The following C8B variants were observed in gnomAD, a reference collection of about 807,000 sequenced individuals.
C8B encodes complement C8 beta chain, also known as complement component C8 beta chain.
Under a neutral mutation model 64.6 loss-of-function variants are expected in C8B, and 67 were observed. The observed-to-expected ratio is 1.04, with a 90% CI of 0.85 to 1.27. C8B has a LOEUF of 1.27. C8B is among the 50% of genes most tolerant of loss of function. The pLI is 0.00. For missense variants in C8B, 790 were observed against 725.2 expected (o/e 1.09, Z -1.03); for synonymous variants, 284 against 257.7 (o/e 1.10, Z -0.98).
At chr1:56,929,778 C>G (rs1447326502) in intron 11 of C8B, among the ~76,000 whole-genome samples, 1 of 152,184 alleles carries the variant, frequency 6.6e-6, no homozygotes, top group Non-Finnish European at 1.5e-5. Context: ...CCCTCCTCTA[C>G]TCACCTGGTC....
intron 3 of C8B, among the ~76,000 whole-genome samples, chr1:56,956,007 C>A (rs567501888): frequency 6.6e-6 from 1 of 152,280 alleles, no homozygotes; most frequent in East Asian, 1.9e-4. Context: ...TTTCTTCCTA[C>A]CTTCCTTCCT....
intron 9 of C8B, among the ~76,000 whole-genome samples, chr1:56,936,437 A>T (rs1213925459): frequency 6.6e-6 from 1 of 151,732 alleles, no homozygotes. Context: ...ACCAACTGAG[A>T]AGTGTTCATC....
chr1:56,931,309 T>C (rs1429855930), intron 11 of C8B, among the ~76,000 whole-genome samples: 1 of 152,188 alleles, frequency 6.6e-6, no homozygotes, highest in Non-Finnish European at 1.5e-5. Context: ...CAGAGGTAAA[T>C]GGGACATGGT....
Position 56,943,717 on chromosome 1 carries a change from C to G in C8B, c.1213G>C (p.Gly405Arg). The G allele has an allele frequency of 1.2e-6, 2 of 1,614,066 alleles. No homozygotes were observed. The highest frequency in any genetic ancestry group is 1.7e-6 in the Non-Finnish European group (2 of 1,179,968). Residue 405 changes from glycine (G) to arginine (R), a missense_variant, in exon 8 of 12, where the codon GGT becomes CGT. Gly to Arg is a moderately radical substitution (Grantham distance 125). Coordinates refer to ENST00000371237, the MANE Select transcript of C8B (RefSeq NM_000066.4). ...TCACCTTTTATTTCATTCAGAATAC[C>G]TCTGCATTTGCCTACAGACACACCC... ...SLGVSVGKCR[G>R]ILNEIKDRNK...
At chr1:56,965,398 A>AGTGTGT (rs56761445) in intron 1 of C8B, among the ~76,000 whole-genome samples, 1,779 of 142,610 alleles carry the variant, frequency 0.012, 12 homozygotes, top group Non-Finnish European at 0.013. Flanking sequence ...AGAGAGAGAG[A>AGTGTGT]GTGTGTGTGT....
At chr1:56,932,018 C>T in intron 10 of C8B, 140 bp from the exon 11 acceptor site, 1 of 678,794 alleles carries the variant, frequency 1.5e-6, no homozygotes, top group Non-Finnish European at 2.7e-6. Flanking sequence ...TAGGCAGGTT[C>T]AGGGCCAGGA....
intron 2 of C8B, among the ~76,000 whole-genome samples, chr1:56,958,959 C>T (rs955608745): frequency 9.2e-5 from 14 of 152,272 alleles, no homozygotes; most frequent in Middle Eastern, 3.4e-3. Context: ...ATCTATTGTT[C>T]TCAGAAGTAG....
Position 56,960,058 on chromosome 1 carries a change from A to T in C8B, c.211T>A (p.Ser71Thr). The change falls in exon 2 of 12, where the codon TCC (serine) becomes ACC (threonine). Residue 71 changes from serine to threonine, a missense_variant. Physicochemically the swap from Ser to Thr is moderately conservative, Grantham distance 58. Transcript: ENST00000371237. ...MPIDCELSSW[S>T]SWTTCDPCQK... is the part of the protein sequence containing the mutation. ...CAGGGGTCACATGTGGTCCAAGAGG[A>T]CCAACTAGACAGCTCACAATCAATG... is the stretch of plus-strand genomic sequence containing the variant. 6.2e-7 allele frequency: 1 copy of T among 1,614,106 alleles called. No individual in the cohort carries two copies. Among genetic ancestry groups the T allele is most frequent in the Non-Finnish European group, 8.5e-7 (1 of 1,180,002 alleles).
At chr1:56,955,556 A>G (rs1645090603) in intron 3 of C8B, among the ~76,000 whole-genome samples, 1 of 152,166 alleles carries the variant, frequency 6.6e-6, no homozygotes, top group Non-Finnish European at 1.5e-5. Flanking sequence ...GGTCATTTTA[A>G]ACCAATGTTC....
intron 1 of C8B, chr1:56,964,019 G>C (rs1387681704): frequency 1.0e-6 from 1 of 985,110 alleles, no homozygotes; most frequent in African/African-American, 1.7e-5. Flanking sequence ...CAGCCCCATG[G>C]GGATTATAGG....
rs1357045534 is a variant in C8B at position 56,952,033 on chromosome 1, C to T, written c.666+15G>A. ...CAGCTGGGGCTCCCTCCACTGCTAC[C>T]TGGCTGTCTCTTACCTGTGGCGTGT... On this transcript the variant is annotated intron_variant, in intron 5 of 11. Coordinates refer to ENST00000371237, the MANE Select transcript of C8B (RefSeq NM_000066.4). 1.9e-6 allele frequency: 3 copies of T among 1,613,636 alleles called. No homozygotes were observed. Among genetic ancestry groups the T allele is most frequent in the Non-Finnish European group, 2.5e-6 (3 of 1,179,986 alleles).
intron 9 of C8B, among the ~76,000 whole-genome samples, chr1:56,940,524 C>T (rs531816333): frequency 2.9e-4 from 44 of 152,144 alleles, no homozygotes; most frequent in Non-Finnish European, 1.2e-4. Context: ...CAGCCAAGAT[C>T]ATGCCACTGA....
chr1:56,946,598 T>C (rs1230052635), intron 6 of C8B, among the ~76,000 whole-genome samples: 2 of 152,202 alleles, frequency 1.3e-5, no homozygotes, highest in Non-Finnish European at 2.9e-5. Context: ...GGTTTACAAC[T>C]GGTGTCACAC....
intron 9 of C8B, among the ~76,000 whole-genome samples, chr1:56,937,121 G>A (rs1644786672): frequency 6.6e-6 from 1 of 152,160 alleles, no homozygotes; most frequent in African/African-American, 2.4e-5. Flanking sequence ...TGGGCACATG[G>A]TAAGGCTGAC....
intron 11 of C8B, 81 bp downstream of exon 11, chr1:56,931,729 A>G (rs1644703816): frequency 1.1e-6 from 1 of 938,798 alleles, no homozygotes; most frequent in East Asian, 2.5e-5. Flanking sequence ...ATCCAGCCCC[A>G]CACTCCACAC....
intron 9 of C8B, among the ~76,000 whole-genome samples, chr1:56,935,205 C>T (rs952813360): frequency 3.9e-5 from 6 of 152,196 alleles, no homozygotes; most frequent in Non-Finnish European, 7.3e-5. Flanking sequence ...CATTTACAGT[C>T]TCCCTCCTAG....
At chr1:56,963,956 A>G (rs761502364) in intron 1 of C8B, 9 of 985,274 alleles carry the variant, frequency 9.1e-6, no homozygotes, top group Non-Finnish European at 9.6e-6. Context: ...TTCCAGAACC[A>G]AAGACTATTC....
At chr1:56,957,801 T>C (rs1365785004) in intron 2 of C8B, among the ~76,000 whole-genome samples, 4 of 152,090 alleles carry the variant, frequency 2.6e-5, no homozygotes, top group African/African-American at 9.7e-5. Flanking sequence ...CACAGTGCAA[T>C]GAGTGCCATG....
At position 56,929,441 on chromosome 1, in the gene C8B, C is replaced by T. The variant is rs139167053; in HGVS notation, c.1739G>A (p.Cys580Tyr). Reference protein sequence around the residue: ...NPPPQNGGSPCSGPASETLDC... With the variant: ...NPPPQNGGSPYSGPASETLDC... ...AAGTGTTTCTGAAGCAGGGCCTGAA[C>T]AGGGGCTACCCCCATTTTGAGGAGG... The change falls in exon 12 of 12, where the codon TGT becomes TAT. Residue 580 changes from cysteine (C) to tyrosine (Y), a missense_variant. Transcript: ENST00000371237. The T allele has an allele frequency of 6.2e-7, 1 of 1,612,556 alleles. No individual in the cohort carries two copies. Among genetic ancestry groups the T allele is most frequent in the African/African-American group, 1.3e-5 (1 of 74,998 alleles).
Sources: gnomAD v4.1 joint callset for allele counts (sites outside exome capture counted in the v4.1 genomes callset) on GRCh38, gnomAD v4.1.1 for gene constraint, MANE v1.5 for transcripts, NCBI Gene and HGNC (gene_info 2026-07-23, HGNC 2026-07-21) for gene names.